Variants in PAM observed in about 807,000 individuals in gnomAD.
The protein encoded by PAM is peptidylglycine alpha-amidating monooxygenase, also known as peptidyl-glycine alpha-amidating monooxygenase.
PAM carries 72 observed loss-of-function variants against 122.1 expected under a neutral mutation model. The ratio of observed to expected loss-of-function variants is 0.59; its 90% CI spans 0.49 to 0.72. PAM has a LOEUF of 0.72. Ranked by LOEUF, PAM falls within the 30% of genes least tolerant of loss-of-function variation. The pLI is 0.00. For synonymous variants in PAM, 389 were observed against 404.4 expected, an observed-to-expected ratio of 0.96 and a Z score of 0.46; for missense variants, 1,106 against 1,183.7, an observed-to-expected ratio of 0.93 and a Z score of 0.96.
chr5:102,788,438 AT>A (rs1761161523), intron 1 of PAM, among the ~76,000 whole-genome samples: 5 of 151,844 alleles, frequency 3.3e-5, no homozygotes, highest in Admixed American at 3.3e-4. Flanking sequence ...AACTCTATTT[AT>A]TTTTGATAGA....
chr5:102,930,318 G>T (rs1460318118), intron 7 of PAM, among the ~76,000 whole-genome samples: 2 of 152,128 alleles, frequency 1.3e-5, no homozygotes, highest in East Asian at 1.9e-4. Context: ...TCTGAAGTCT[G>T]CAGAGAGACA....
Position 102,880,985 on chromosome 5 carries a change from C to G in PAM, c.210+13592C>G, listed in dbSNP as rs192014331. Among the ~76,000 whole-genome samples, 39 of 152,006 alleles carry G rather than the reference C, an allele frequency of 2.6e-4. 3 individuals are homozygous for G. The highest frequency in any genetic ancestry group is 9.2e-4 in the African/African-American group (38 of 41,478). On this transcript the variant is annotated intron_variant, in intron 3 of 25. Coordinates refer to ENST00000438793, the MANE Select transcript of PAM (RefSeq NM_001177306.2). ...AATTTTTAGACACTGTTATGTGCAA[C>G]TGTGTGTCAGTATATTTTATAATCT...
intron 1 of PAM, among the ~76,000 whole-genome samples, chr5:102,818,023 T>TGAG (rs1318837208): frequency 1.6e-5 from 1 of 63,018 alleles, no homozygotes; most frequent in South Asian, 5.7e-4. Context: ...TTTTTTTTTC[T>TGAG]CAAAAAAAAA....
At chr5:102,983,521 A>G (rs542400669) in intron 15 of PAM, among the ~76,000 whole-genome samples, 1 of 151,984 alleles carries the variant, frequency 6.6e-6, no homozygotes, top group African/African-American at 2.4e-5. Flanking sequence ...ATGTAATATG[A>G]TATATAGGAC....
At chr5:102,981,542 C>T (rs954326550) in intron 15 of PAM, among the ~76,000 whole-genome samples, 3 of 149,568 alleles carry the variant, frequency 2.0e-5, no homozygotes, top group African/African-American at 7.7e-5. Flanking sequence ...GAGACTAAAA[C>T]ATAGACTTTA....
At chr5:102,882,317 T>C (rs1315137972) in intron 3 of PAM, among the ~76,000 whole-genome samples, 1 of 151,520 alleles carries the variant, frequency 6.6e-6, no homozygotes, top group Non-Finnish European at 1.5e-5. Context: ...ATAGTGGTTG[T>C]ACTAGTTTAC....
intron 1 of PAM, among the ~76,000 whole-genome samples, chr5:102,859,861 T>C (rs1783654410): frequency 6.6e-6 from 1 of 152,208 alleles, no homozygotes; most frequent in Non-Finnish European, 1.5e-5. Flanking sequence ...TTGTTTCCAG[T>C]ATTCACTATA....
At chr5:102,923,164 A>G (rs1273865109) in intron 5 of PAM, among the ~76,000 whole-genome samples, 1 of 152,182 alleles carries the variant, frequency 6.6e-6, no homozygotes. Context: ...CTCACCCCTT[A>G]ATTCAGACAG....
intron 3 of PAM, among the ~76,000 whole-genome samples, chr5:102,870,546 G>A (rs1027178056): frequency 6.6e-6 from 1 of 152,168 alleles, no homozygotes; most frequent in South Asian, 2.1e-4. Flanking sequence ...ACTAGATCCA[G>A]TGAGTCTGGG....
intron 22 of PAM, among the ~76,000 whole-genome samples, chr5:103,017,978 G>T (rs1455976194): frequency 6.6e-6 from 1 of 152,088 alleles, no homozygotes. Flanking sequence ...TGCTCCATCA[G>T]GATCCTGCCA....
In PAM at chr5:102,961,166, T is replaced by G. The variant is rs763778000; in HGVS notation, c.1099T>G (p.Tyr367Asp). Residue 367 changes from tyrosine (Y) to aspartate (D), a missense_variant, in exon 14 of 26, where the codon TAT (tyrosine) becomes GAT (aspartate). By Grantham distance (160) the Tyr-to-Asp change is radical. Around this residue, in one of 3 missense-constraint regions of PAM, gnomAD observed 670 missense variants for 690.3 expected, o/e 0.97. Coordinates refer to ENST00000438793, the MANE Select transcript of PAM (RefSeq NM_001177306.2). ...TCTTTGATCCTTTACAGAAACAGAATATAAAGATAAGATTCCTTTACTACA... is the reference window on the plus strand; with the variant it reads ...TCTTTGATCCTTTACAGAAACAGAAGATAAAGATAAGATTCCTTTACTACA... ...MMHEHHKETE[Y>D]KDKIPLLQQP... 6.5e-7 allele frequency: 1 copy of G among 1,549,098 alleles called. No individual in the cohort carries two copies. Among genetic ancestry groups the G allele is most frequent in the African/African-American group, 1.4e-5 (1 of 73,632 alleles).
intron 3 of PAM, among the ~76,000 whole-genome samples, chr5:102,896,975 A>G (rs1173288563): frequency 6.6e-6 from 1 of 151,648 alleles, no homozygotes; most frequent in Non-Finnish European, 1.5e-5. Flanking sequence ...CCTCCTATGC[A>G]TGCATTAAAA....
intron 15 of PAM, among the ~76,000 whole-genome samples, chr5:102,976,624 G>A (rs1767771479): frequency 6.6e-6 from 1 of 152,098 alleles, no homozygotes; most frequent in Non-Finnish European, 1.5e-5. Flanking sequence ...TTTACTATAA[G>A]GAATTGTATT....
intron 7 of PAM, among the ~76,000 whole-genome samples, chr5:102,929,386 T>C (rs988422048): frequency 1.3e-5 from 2 of 152,210 alleles, no homozygotes; most frequent in African/African-American, 2.4e-5. Context: ...ATATTTATGT[T>C]ATGTACATAT....
chr5:102,866,397 C>G, intron 2 of PAM, 113 bp downstream of exon 2: 2 of 722,324 alleles, frequency 2.8e-6, no homozygotes, highest in Middle Eastern at 4.6e-4. Flanking sequence ...GCTGGAATGA[C>G]TTGGAATTTT....
chr5:102,981,990 A>C (rs1359024559), intron 15 of PAM, among the ~76,000 whole-genome samples: 1 of 152,138 alleles, frequency 6.6e-6, no homozygotes, highest in Non-Finnish European at 1.5e-5. Context: ...TCCCATGGAC[A>C]TACACCATCA....
At chr5:102,938,666 C>T (rs1269569282) in intron 7 of PAM, among the ~76,000 whole-genome samples, 2 of 152,048 alleles carry the variant, frequency 1.3e-5, no homozygotes, top group Non-Finnish European at 2.9e-5. Context: ...GTCAGAGCTA[C>T]ATAGTCATCA....
At chr5:102,943,292 G>A (rs907717650) in intron 7 of PAM, among the ~76,000 whole-genome samples, 15 of 152,074 alleles carry the variant, frequency 9.9e-5, no homozygotes, top group Non-Finnish European at 1.9e-4. Flanking sequence ...GGTTATTATC[G>A]TGCATTATTC....
chr5:102,770,365 T>A lies in PAM; in HGVS notation c.-374+15017T>A, dbSNP rs111599188. Among the ~76,000 whole-genome samples the A allele has an allele frequency of 3.7e-3, 566 of 152,262 alleles. 2 individuals are homozygous for A. Among genetic ancestry groups the A allele is most frequent in the African/African-American group, 0.012 (506 of 41,558 alleles). On this transcript the variant is annotated intron_variant, in intron 1 of 25. Coordinates refer to ENST00000438793, the MANE Select transcript of PAM (RefSeq NM_001177306.2). ...AATTTGGATGCCCTTTATTTCTGCC[T>A]CTTGTCTGATTGTTCTAGTTAGGAC... is the stretch of plus-strand genomic sequence containing the variant.
Sources: allele counts gnomAD v4.1 joint callset (sites outside exome capture counted in the v4.1 genomes callset), GRCh38; gene constraint gnomAD v4.1.1; regional missense constraint gnomAD v4.1.1; transcripts MANE v1.5; gene names NCBI Gene and HGNC (gene_info 2026-07-23, HGNC 2026-07-21).